IQSEC1: variants seen among roughly 807,000 people sequenced by gnomAD.
IQSEC1 encodes the protein IQ motif and Sec7 domain ArfGEF 1.
A neutral mutation model predicts 91.0 loss-of-function variants in IQSEC1; 31 were observed. The ratio of observed to expected loss-of-function variants is 0.34; its 90% CI spans 0.26 to 0.46. The LOEUF is 0.46. IQSEC1 is among the 20% of genes least tolerant of loss of function. IQSEC1 has a pLI of 1.00. For synonymous variants in IQSEC1, 699 were observed against 662.6 expected, an observed-to-expected ratio of 1.05 and a Z score of -0.84; for missense variants, 1,388 against 1,575.6, an observed-to-expected ratio of 0.88 and a Z score of 2.02.
At chr3:13,098,036 A>C (rs1002662586) in intron 2 of IQSEC1, among the ~76,000 whole-genome samples, 3 of 152,220 alleles carry the variant, frequency 2.0e-5, no homozygotes, top group African/African-American at 7.2e-5. Context: ...CCGACCCCAG[A>C]TGTCTGGGGC....
chr3:12,919,748 T>A (rs1696439284), intron 6 of IQSEC1, among the ~76,000 whole-genome samples: 1 of 152,194 alleles, frequency 6.6e-6, no homozygotes, highest in Non-Finnish European at 1.5e-5. Flanking sequence ...TGCGGTGCCT[T>A]CCTCCTTCCT....
intron 1 of IQSEC1, among the ~76,000 whole-genome samples, chr3:12,949,324 A>G (rs11926760): frequency 0.015 from 2,266 of 152,358 alleles, 60 homozygotes; most frequent in African/African-American, 0.052. Flanking sequence ...GAGGGTGGCC[A>G]CATCACATGG....
chr3:13,060,038 A>T (rs1005440676), intron 1 of IQSEC1, among the ~76,000 whole-genome samples: 1 of 152,202 alleles, frequency 6.6e-6, no homozygotes, highest in African/African-American at 2.4e-5. Flanking sequence ...AGCGGGAACG[A>T]CTGTGCTGAG....
At chr3:13,057,471 C>T (rs1309437603) in intron 1 of IQSEC1, among the ~76,000 whole-genome samples, 1 of 152,256 alleles carries the variant, frequency 6.6e-6, no homozygotes, top group Non-Finnish European at 1.5e-5. Flanking sequence ...AGCACACACA[C>T]AAGACACACC....
At chr3:13,127,130 C>A (rs541265980) in intron 2 of IQSEC1, among the ~76,000 whole-genome samples, 2 of 152,056 alleles carry the variant, frequency 1.3e-5, no homozygotes, top group African/African-American at 2.4e-5. Context: ...TCAGAGTTCT[C>A]GGCTGGGGGC....
At chr3:13,271,568 G>C (rs1018276020) in intron 1 of IQSEC1, among the ~76,000 whole-genome samples, 1 of 152,148 alleles carries the variant, frequency 6.6e-6, no homozygotes, top group African/African-American at 2.4e-5. Flanking sequence ...GGCCAAGGTG[G>C]AAGTATAACT....
At chr3:13,264,574 G>A (rs976858704) in intron 1 of IQSEC1, among the ~76,000 whole-genome samples, 5 of 151,804 alleles carry the variant, frequency 3.3e-5, no homozygotes, top group African/African-American at 1.2e-4. Context: ...CTCACCACAT[G>A]GCACCCCTGG....
At position 12,941,831 on chromosome 3, in the gene IQSEC1, T is replaced by C. The variant is rs898001891; in HGVS notation, c.58A>G (p.Thr20Ala). The C allele has an allele frequency of 6.2e-7, 1 of 1,607,734 alleles. No homozygotes were observed. Among genetic ancestry groups the C allele is most frequent in the Admixed American group, 1.7e-5 (1 of 59,304 alleles). Reference sequence around the variant, plus strand: ...TAGGCTGAGGGGCTGTCCAGGGATGTGCCAGTCTCACTGCTGGGGGCCTCG... The same window carrying C: ...TAGGCTGAGGGGCTGTCCAGGGATGCGCCAGTCTCACTGCTGGGGGCCTCG... ...EGEAPSSETG[T>A]SLDSPSAYPQ... Residue 20 changes from threonine (T) to alanine (A), a missense_variant, in exon 2 of 14, where the codon ACA becomes GCA. Transcript: ENST00000613206.
chr3:12,955,508 C>T (rs960484273), intron 1 of IQSEC1, among the ~76,000 whole-genome samples: 1 of 152,200 alleles, frequency 6.6e-6, no homozygotes, highest in Admixed American at 6.5e-5. Context: ...AGGGCCTCTG[C>T]CTGGTGAGGT....
At chr3:13,080,059 T>A (rs1256675040) in intron 2 of IQSEC1, among the ~76,000 whole-genome samples, 1 of 152,132 alleles carries the variant, frequency 6.6e-6, no homozygotes, top group Non-Finnish European at 1.5e-5. Flanking sequence ...TGCAGAGGCT[T>A]GGAGGTGAAA....
At chr3:13,102,903 T>A (rs905960988) in intron 2 of IQSEC1, among the ~76,000 whole-genome samples, 1 of 152,150 alleles carries the variant, frequency 6.6e-6, no homozygotes, top group African/African-American at 2.4e-5. Context: ...ACAACCACCC[T>A]GGGAGGTCGG....
chr3:12,918,273 G>A (rs1696297665), intron 6 of IQSEC1, among the ~76,000 whole-genome samples: 1 of 152,218 alleles, frequency 6.6e-6, no homozygotes, highest in Admixed American at 6.5e-5. Context: ...TGGGAATGGG[G>A]TGCACAGCCC....
chr3:12,987,693 T>C (rs1212037264), intron 1 of IQSEC1, among the ~76,000 whole-genome samples: 1 of 152,150 alleles, frequency 6.6e-6, no homozygotes, highest in East Asian at 1.9e-4. Context: ...ACAATGTGGA[T>C]AACTGACGAA....
chr3:12,916,727 T>C (rs1321492199), intron 6 of IQSEC1, among the ~76,000 whole-genome samples: 1 of 152,214 alleles, frequency 6.6e-6, no homozygotes, highest in African/African-American at 2.4e-5. Flanking sequence ...TGTTTCCAAA[T>C]GGCAAAAGGC....
At chr3:13,281,031 G>A (rs926771881) in intron 1 of IQSEC1, among the ~76,000 whole-genome samples, 7 of 152,238 alleles carry the variant, frequency 4.6e-5, no homozygotes, top group Non-Finnish European at 1.0e-4. Context: ...TGTCCCCTGC[G>A]TGGTCACCAG....
In IQSEC1 at chr3:12,909,465, C is replaced by G. The variant is rs545967223; in HGVS notation, c.2417-31G>C. 1.2e-6 allele frequency: 2 copies of G among 1,601,256 alleles called. No homozygotes were observed. Among genetic ancestry groups the G allele is most frequent in the Non-Finnish European group, 1.7e-6 (2 of 1,171,288 alleles). On this transcript the variant is annotated intron_variant, in intron 10 of 13. Coordinates refer to ENST00000613206, the MANE Select transcript of IQSEC1 (RefSeq NM_001134382.3). The surrounding 1 kb of genome is among the most constrained non-coding windows in gnomAD (Gnocchi z 4.9). ...AAAGGGAAGGAGAGGGGAGGAGGCC[C>G]ACGGGTCTCAGTGTGTTCTCTGCAA...
rs904011967 is a variant in IQSEC1 at position 12,899,478 on chromosome 3, C to T, written c.*1505G>A. ...GGGTGACTCGGGCACAGACCTGCCG[C>T]GTGCAGGTCTGGCCCTGGGGAGCGC... is the stretch of plus-strand genomic sequence containing the variant. On this transcript the variant is annotated 3_prime_UTR_variant, in exon 14 of 14. Coordinates refer to ENST00000613206, the MANE Select transcript of IQSEC1 (RefSeq NM_001134382.3). The T allele has an allele frequency of 2.4e-5, 38 of 1,596,738 alleles. No homozygotes were observed. Among genetic ancestry groups the T allele is most frequent in the South Asian group, 5.6e-5 (5 of 88,974 alleles).
At chr3:13,236,873 G>C (rs1311890979) in intron 1 of IQSEC1, among the ~76,000 whole-genome samples, 2 of 152,186 alleles carry the variant, frequency 1.3e-5, no homozygotes, top group African/African-American at 2.4e-5. Flanking sequence ...CTTTGGGAAG[G>C]GGTGTTTTTG....
intron 1 of IQSEC1, chr3:13,047,658 C>T (rs75528281): frequency 0.17 from 34,074 of 202,292 alleles, 3,223 homozygotes; most frequent in South Asian, 0.35. Context: ...CTGGGAAGAG[C>T]GTCTGCCCCA....
Sources: allele counts gnomAD v4.1 joint callset (sites outside exome capture counted in the v4.1 genomes callset), GRCh38; gene constraint gnomAD v4.1.1; non-coding constraint Gnocchi (gnomAD v3.1); transcripts MANE v1.5; gene names NCBI Gene and HGNC (gene_info 2026-07-23, HGNC 2026-07-21).